Variants in ANXA13 observed in about 807,000 individuals in gnomAD.
ANXA13 encodes the protein annexin A13.
Under a neutral mutation model 46.6 loss-of-function variants are expected in ANXA13, and 36 were observed. The observed-to-expected ratio is 0.77, with a 90% CI of 0.59 to 1.02. The LOEUF is 1.02. Among genes scored for constraint, ANXA13 ranks in the 50% least tolerant of loss-of-function variants. The pLI is 0.00. For missense variants in ANXA13, 417 were observed against 396.5 expected, an observed-to-expected ratio of 1.05 and a Z score of -0.44; for synonymous variants, 163 against 152.9, an observed-to-expected ratio of 1.07 and a Z score of -0.49.
chr8:123,704,593 C>T (rs577105312), intron 2 of ANXA13, among the ~76,000 whole-genome samples: 1 of 152,164 alleles, frequency 6.6e-6, no homozygotes, highest in Non-Finnish European at 1.5e-5. Flanking sequence ...GATGGGGTTT[C>T]ACCATGTTGG....
chr8:123,699,236 G>A (rs893858373), intron 3 of ANXA13, among the ~76,000 whole-genome samples: 12 of 152,186 alleles, frequency 7.9e-5, no homozygotes, highest in Admixed American at 6.5e-5. Context: ...CTGGAGTGCA[G>A]TGGTGCAATC....
intron 4 of ANXA13, 71 bp downstream of exon 4, chr8:123,698,318 T>A (rs1813380294): frequency 6.5e-7 from 1 of 1,530,268 alleles, no homozygotes; most frequent in African/African-American, 1.4e-5. Context: ...GGAAGTAGGG[T>A]CCCTTCTGGG....
intron 1 of ANXA13, among the ~76,000 whole-genome samples, chr8:123,723,451 G>T (rs745360474): frequency 1.3e-5 from 2 of 152,194 alleles, no homozygotes; most frequent in Admixed American, 6.5e-5. Context: ...CCTGGAATGT[G>T]GGTCTTTAAG....
intron 1 of ANXA13, among the ~76,000 whole-genome samples, chr8:123,720,805 A>C (rs889115273): frequency 1.3e-5 from 2 of 150,476 alleles, no homozygotes; most frequent in Non-Finnish European, 3.0e-5. Flanking sequence ...CTGGTCTTGA[A>C]CTCCTGGGCT....
At chr8:123,729,613 A>C (rs1390016609) in intron 1 of ANXA13, among the ~76,000 whole-genome samples, 1 of 152,118 alleles carries the variant, frequency 6.6e-6, no homozygotes, top group African/African-American at 2.4e-5. Context: ...ACTTGAACAC[A>C]TGACAGTTAT....
intron 1 of ANXA13, among the ~76,000 whole-genome samples, chr8:123,735,253 CATT>C (rs1814233816): frequency 6.6e-6 from 1 of 152,018 alleles, no homozygotes; most frequent in South Asian, 2.1e-4. Context: ...TGACTTATAA[CATT>C]ATCATTTAAT....
At chr8:123,728,922 A>G (rs1433834395) in intron 1 of ANXA13, among the ~76,000 whole-genome samples, 1 of 152,132 alleles carries the variant, frequency 6.6e-6, no homozygotes, top group Non-Finnish European at 1.5e-5. Context: ...CATTATTTGG[A>G]AAGAGAATTA....
chr8:123,686,317 A>G (rs1464409041), intron 9 of ANXA13, among the ~76,000 whole-genome samples: 4 of 152,066 alleles, frequency 2.6e-5, no homozygotes, highest in African/African-American at 9.7e-5. Context: ...TACTAATAAC[A>G]TAAAAATTAG....
chr8:123,703,844 A>G (rs900400259), intron 2 of ANXA13, among the ~76,000 whole-genome samples: 3 of 152,260 alleles, frequency 2.0e-5, no homozygotes, highest in African/African-American at 7.2e-5. Context: ...TGTTTGAACC[A>G]GGAACCAGGA....
intron 5 of ANXA13, 28 bp from the exon 6 acceptor site, chr8:123,695,609 G>A (rs764074115): frequency 6.2e-7 from 1 of 1,610,452 alleles, no homozygotes; most frequent in Non-Finnish European, 8.5e-7. Context: ...AAGGAGGGAA[G>A]AAAGCAGATG....
intron 1 of ANXA13, among the ~76,000 whole-genome samples, chr8:123,730,852 C>A (rs960990483): frequency 1.3e-5 from 2 of 152,080 alleles, no homozygotes; most frequent in Admixed American, 1.3e-4. Context: ...AGAGAGGGAA[C>A]CCTGGGTGGG....
At chr8:123,731,783 TG>T (rs1214340379) in intron 1 of ANXA13, among the ~76,000 whole-genome samples, 2 of 152,082 alleles carry the variant, frequency 1.3e-5, no homozygotes, top group African/African-American at 4.8e-5. Context: ...ATGGGGGTGC[TG>T]AGGTAGGAGA....
At chr8:123,710,774 C>T (rs1375796056) in intron 2 of ANXA13, among the ~76,000 whole-genome samples, 1 of 152,204 alleles carries the variant, frequency 6.6e-6, no homozygotes, top group African/African-American at 2.4e-5. Flanking sequence ...TCAGTTTCCT[C>T]AGCTGGAAAA....
At chr8:123,730,206 A>G (rs1814088086) in intron 1 of ANXA13, among the ~76,000 whole-genome samples, 1 of 152,144 alleles carries the variant, frequency 6.6e-6, no homozygotes, top group South Asian at 2.1e-4. Flanking sequence ...GCCCTTCTCC[A>G]CTAGCTTCCA....
chr8:123,717,615 T>TAA (rs779465375), intron 1 of ANXA13, among the ~76,000 whole-genome samples: 1 of 152,238 alleles, frequency 6.6e-6, no homozygotes, highest in African/African-American at 2.4e-5. Flanking sequence ...AATATAATAG[T>TAA]AAAGTTGAAG....
At chr8:123,693,372 C>A in intron 7 of ANXA13, 74 bp from the exon 8 acceptor site, 2 of 1,310,414 alleles carry the variant, frequency 1.5e-6, no homozygotes, top group Non-Finnish European at 2.2e-6. Context: ...GTGACTAGGC[C>A]TCACTGACAG....
At chr8:123,710,733 C>G (rs1018850492) in intron 2 of ANXA13, among the ~76,000 whole-genome samples, 13 of 151,808 alleles carry the variant, frequency 8.6e-5, no homozygotes, top group African/African-American at 3.1e-4. Context: ...GGCTTGGTGA[C>G]TTTGGCTGTC....
chr8:123,718,025 C>A (rs1381891567), intron 1 of ANXA13, among the ~76,000 whole-genome samples: 2 of 152,250 alleles, frequency 1.3e-5, no homozygotes, highest in African/African-American at 4.8e-5. Flanking sequence ...GTTGAAACTC[C>A]CTGCGATTCC....
rs560876254 is a variant in ANXA13, at chr8:123,686,004, G to A, written c.719-1282C>T. Among the ~76,000 whole-genome samples the A allele has an allele frequency of 1.4e-3, 216 of 152,232 alleles. 3 individuals are homozygous for A. Among genetic ancestry groups the A allele is most frequent in the Middle Eastern group, 3.4e-3 (1 of 294 alleles). ...TGTCTGCCTGAAGTCACCGTGTTCCGCTCCTGCACAGGGATCTTCTCCCTT... is the reference window on the plus strand; with the variant it reads ...TGTCTGCCTGAAGTCACCGTGTTCCACTCCTGCACAGGGATCTTCTCCCTT... On this transcript the variant is annotated intron_variant, in intron 9 of 10. Transcript: ENST00000419625.
Sources: gnomAD v4.1 joint callset for allele counts (sites outside exome capture counted in the v4.1 genomes callset) on GRCh38, gnomAD v4.1.1 for gene constraint, MANE v1.5 for transcripts, NCBI Gene and HGNC (gene_info 2026-07-23, HGNC 2026-07-21) for gene names.